Variants in RANBP2 observed in about 807,000 individuals in gnomAD.
RANBP2 encodes RAN binding protein 2.
Under a neutral mutation model 303.6 loss-of-function variants are expected in RANBP2, and 57 were observed. The observed-to-expected ratio is 0.19, with a 90% CI of 0.15 to 0.23. RANBP2 has a LOEUF of 0.23. RANBP2 is among the 10% of genes least tolerant of loss of function. RANBP2 has a pLI of 1.00. For missense variants in RANBP2, 3,138 were observed against 3,780.8 expected, an observed-to-expected ratio of 0.83 and a Z score of 4.46; for synonymous variants, 1,167 against 1,301.5, an observed-to-expected ratio of 0.90 and a Z score of 2.23.
At chr2:109,289,875 G>T in the RANBP2 span, among the ~76,000 whole-genome samples, 6 of 152,178 alleles carry the variant, frequency 3.9e-5, no homozygotes, top group Non-Finnish European at 5.9e-5. Context: ...TCGCATTGCG[G>T]GTTTGAACCA....
chr2:108,744,600 T>C (rs2149185764), intron 7 of RANBP2, among the ~76,000 whole-genome samples: 1 of 152,312 alleles, frequency 6.6e-6, no homozygotes, highest in Middle Eastern at 3.4e-3. Context: ...AACATATAGA[T>C]GACAAAGGGC....
chr2:109,521,867 C>T, the RANBP2 span, among the ~76,000 whole-genome samples: 8,644 of 151,932 alleles, frequency 0.057, 846 homozygotes, highest in African/African-American at 0.2. Flanking sequence ...CTGTTATAGT[C>T]GGTGTTAATT....
the RANBP2 span, among the ~76,000 whole-genome samples, chr2:109,054,092 C>T: frequency 6.6e-6 from 1 of 152,194 alleles, no homozygotes; most frequent in African/African-American, 2.4e-5. Context: ...TCTCAGCATG[C>T]CCAGCCTGGC....
the RANBP2 span, among the ~76,000 whole-genome samples, chr2:109,551,321 T>C: frequency 0.18 from 28,054 of 152,224 alleles, 3,357 homozygotes; most frequent in Middle Eastern, 0.32. Flanking sequence ...TCCTTTAATA[T>C]AGAATTAAAT....
chr2:109,063,102 C>T, the RANBP2 span, among the ~76,000 whole-genome samples: 1 of 152,212 alleles, frequency 6.6e-6, no homozygotes, highest in East Asian at 1.9e-4. Context: ...CCATGCCAAC[C>T]TGAGACCCTC....
chr2:108,950,363 G>T, the RANBP2 span, among the ~76,000 whole-genome samples: 1 of 151,600 alleles, frequency 6.6e-6, no homozygotes, highest in African/African-American at 2.4e-5. Flanking sequence ...TGATCCTCCC[G>T]CCTCAGCCTC....
intron 25 of RANBP2, among the ~76,000 whole-genome samples, chr2:108,777,859 GTTTGA>G (rs1297974236): frequency 6.6e-6 from 1 of 152,080 alleles, no homozygotes; most frequent in African/African-American, 2.4e-5. Flanking sequence ...AGTACAAGGT[GTTTGA>G]TTTATGGAAT....
the RANBP2 span, among the ~76,000 whole-genome samples, chr2:109,649,797 C>T: frequency 6.6e-6 from 1 of 152,206 alleles, no homozygotes; most frequent in Non-Finnish European, 1.5e-5. Flanking sequence ...TTTTTGGTTT[C>T]TCATTTTCTT....
chr2:108,756,768 C>T (rs1184693457), intron 17 of RANBP2, among the ~76,000 whole-genome samples: 1 of 152,164 alleles, frequency 6.6e-6, no homozygotes, highest in Non-Finnish European at 1.5e-5. Flanking sequence ...GACTGTTTGG[C>T]TTCTTATCTT....
At chr2:109,603,267 C>T in the RANBP2 span, among the ~76,000 whole-genome samples, 3 of 151,594 alleles carry the variant, frequency 2.0e-5, no homozygotes, top group Admixed American at 6.6e-5. Flanking sequence ...GACAGTCTCA[C>T]TGTGTCACCC....
chr2:108,744,518 A>C (rs182123794), intron 7 of RANBP2, among the ~76,000 whole-genome samples: 4 of 152,328 alleles, frequency 2.6e-5, no homozygotes, highest in Admixed American at 2.6e-4. Context: ...GGCCGGGTTT[A>C]TGAATTGAGG....
chr2:108,773,936 C>T (rs1040105823), intron 23 of RANBP2, among the ~76,000 whole-genome samples: 3 of 152,088 alleles, frequency 2.0e-5, no homozygotes, highest in East Asian at 1.9e-4. Context: ...CGTGAGCCAC[C>T]GCGCCTGGCC....
the RANBP2 span, among the ~76,000 whole-genome samples, chr2:109,305,811 G>A: frequency 6.6e-6 from 1 of 152,320 alleles, no homozygotes; most frequent in East Asian, 1.9e-4. Flanking sequence ...CAGAGGCTGG[G>A]GCTGCTCGGC....
the RANBP2 span, among the ~76,000 whole-genome samples, chr2:109,447,147 T>TAAA: frequency 7.3e-5 from 6 of 82,704 alleles, no homozygotes; most frequent in African/African-American, 1.2e-4. Flanking sequence ...CCTGAATATT[T>TAAA]AAAAAAAAAA....
chr2:108,919,885 C>T, the RANBP2 span, among the ~76,000 whole-genome samples: 3 of 152,350 alleles, frequency 2.0e-5, no homozygotes, highest in South Asian at 2.1e-4. Flanking sequence ...TGGATCTCTC[C>T]GCCTGGAGCT....
chr2:109,640,561 C>G, the RANBP2 span, among the ~76,000 whole-genome samples: 6 of 152,168 alleles, frequency 3.9e-5, no homozygotes, highest in African/African-American at 7.2e-5. Context: ...GTTTCAGGGT[C>G]CCTTTTCTGG....
the RANBP2 span, chr2:109,552,885 T>TAA: frequency 1.8e-6 from 1 of 545,006 alleles, no homozygotes; most frequent in Non-Finnish European, 3.1e-6. Context: ...TGTACTGCTT[T>TAA]AAAAAAAAAG....
At chr2:108,733,180 C>T (rs1470050244) in intron 4 of RANBP2, among the ~76,000 whole-genome samples, 1 of 151,288 alleles carries the variant, frequency 6.6e-6, no homozygotes, top group Non-Finnish European at 1.5e-5. Flanking sequence ...ATTTGTGATC[C>T]ATATTAAGTT....
At chr2:109,110,138 G>T in the RANBP2 span, among the ~76,000 whole-genome samples, 1 of 152,166 alleles carries the variant, frequency 6.6e-6, no homozygotes, top group African/African-American at 2.4e-5. Context: ...AGCACACACA[G>T]GCATTTTTGT....
Sources: gnomAD v4.1 joint callset for allele counts (sites outside exome capture counted in the v4.1 genomes callset) on GRCh38, gnomAD v4.1.1 for gene constraint, MANE v1.5 for transcripts, NCBI Gene and HGNC (gene_info 2026-07-23, HGNC 2026-07-21) for gene names.